Variants in LRRTM3 observed in about 807,000 individuals in gnomAD.
LRRTM3 encodes the protein leucine rich repeat transmembrane neuronal 3.
Under a neutral mutation model 44.7 loss-of-function variants are expected in LRRTM3, and 24 were observed. The observed-to-expected ratio is 0.54, with a 90% CI of 0.39 to 0.76. The LOEUF is 0.76. LRRTM3 is among the 30% of genes least tolerant of loss of function. The probability of loss-of-function intolerance (pLI) is 0.00; values close to 1 mark genes in which losing one functional copy is unlikely to be tolerated. For missense variants in LRRTM3, 587 were observed against 702.2 expected (o/e 0.84, Z 1.85); for synonymous variants, 277 against 278.7 (o/e 0.99, Z 0.06).
At chr10:67,095,564 G>GCA (rs371792538) in intron 2 of LRRTM3, among the ~76,000 whole-genome samples, 18 of 151,294 alleles carry the variant, frequency 1.2e-4, no homozygotes, top group Middle Eastern at 3.4e-3. Context: ...AATTGTGTGT[G>GCA]CACACACACA....
At chr10:67,049,029 GGTTT>G (rs1209573048) in intron 2 of LRRTM3, among the ~76,000 whole-genome samples, 1 of 11,666 alleles carries the variant, frequency 8.6e-5, no homozygotes, top group Non-Finnish European at 1.4e-4. Context: ...GATGATAACT[GGTTT>G]TTTTTTTTTT....
In LRRTM3 at chr10:66,926,548, A is replaced by G; in HGVS notation, c.-36A>G. The G allele has an allele frequency of 6.2e-7, 1 of 1,613,608 alleles. No individual in the cohort carries two copies. Among genetic ancestry groups the G allele is most frequent in the East Asian group, 2.2e-5 (1 of 44,860 alleles). ...ATGCAACTGGCCCCTAAGCCAAAGC[A>G]AAAGACCTAAGGACGACCTTTGAAC... On this transcript the variant is annotated 5_prime_UTR_variant, in exon 1 of 3. Transcript: ENST00000361320.
chr10:67,029,010 T>A (rs1213150227), intron 2 of LRRTM3, among the ~76,000 whole-genome samples: 3 of 152,186 alleles, frequency 2.0e-5, no homozygotes, highest in Admixed American at 2.0e-4. Context: ...CTAAGTGTTT[T>A]CTCTGTGCTT....
At chr10:67,037,368 TAA>T (rs1252201779) in intron 2 of LRRTM3, among the ~76,000 whole-genome samples, 1 of 107,546 alleles carries the variant, frequency 9.3e-6, no homozygotes, top group Non-Finnish European at 2.0e-5. Flanking sequence ...AATGGAAATC[TAA>T]AAAAAAAAAA....
At chr10:66,960,813 G>A (rs1164534571) in intron 2 of LRRTM3, among the ~76,000 whole-genome samples, 4 of 152,208 alleles carry the variant, frequency 2.6e-5, no homozygotes, top group African/African-American at 9.6e-5. Context: ...CCTTAGAAAA[G>A]GGGGGATGGT....
intron 2 of LRRTM3, among the ~76,000 whole-genome samples, chr10:67,074,314 G>A (rs1856624882): frequency 6.9e-6 from 1 of 144,786 alleles, no homozygotes; most frequent in African/African-American, 2.6e-5. Flanking sequence ...ACAGGCATGA[G>A]CCACCGTGCC....
rs145710263 is a variant in LRRTM3, at chr10:67,027,841, A to C, written c.1537-69746A>C. Among the ~76,000 whole-genome samples the C allele has an allele frequency of 5.7e-3, 871 of 152,278 alleles. 3 individuals are homozygous for C. The highest frequency in any genetic ancestry group is 0.02 in the African/African-American group (832 of 41,546). Reference sequence around the variant, plus strand: ...CGTTTTTTCCTTTTAAAACTTTAAAATTTACACTGATAGATATTTGCTGTT... The same window carrying C: ...CGTTTTTTCCTTTTAAAACTTTAAACTTTACACTGATAGATATTTGCTGTT... On this transcript the variant is annotated intron_variant, in intron 2 of 2. Transcript: ENST00000361320.
intron 2 of LRRTM3, among the ~76,000 whole-genome samples, chr10:67,002,662 G>A (rs1851754255): frequency 6.6e-6 from 1 of 151,970 alleles, no homozygotes; most frequent in Admixed American, 6.6e-5. Flanking sequence ...ATGTATTTCA[G>A]GATGCCTACT....
At chr10:66,999,431 T>A (rs1851554133) in intron 2 of LRRTM3, among the ~76,000 whole-genome samples, 1 of 152,104 alleles carries the variant, frequency 6.6e-6, no homozygotes, top group African/African-American at 2.4e-5. Context: ...ATTAAGATCA[T>A]CAATTTGTAT....
At chr10:67,022,548 C>T (rs921259554) in intron 2 of LRRTM3, among the ~76,000 whole-genome samples, 3 of 151,948 alleles carry the variant, frequency 2.0e-5, no homozygotes, top group Non-Finnish European at 4.4e-5. Flanking sequence ...ACTATGCCTT[C>T]AAAAAAGTGA....
In LRRTM3 at chr10:67,090,510, C is replaced by A. The variant is rs16924013; in HGVS notation, c.1537-7077C>A. 7.9e-3 allele frequency among the ~76,000 whole-genome samples: 1,204 copies of A among 152,166 alleles called. 8 individuals carry two copies. Among genetic ancestry groups the A allele is most frequent in the African/African-American group, 0.028 (1,164 of 41,532 alleles). ...AGAATTAGATAGAGTGATAGATAAG[C>A]AACAAAATGTAGTGGTTAAGAAGGC... On this transcript the variant is annotated intron_variant, in intron 2 of 2. Transcript: ENST00000361320.
At chr10:66,967,834 G>A (rs1267817013) in intron 2 of LRRTM3, among the ~76,000 whole-genome samples, 3 of 151,936 alleles carry the variant, frequency 2.0e-5, no homozygotes, top group Non-Finnish European at 2.9e-5. Flanking sequence ...CCCCTCGAAA[G>A]GTTCAATTCT....
intron 2 of LRRTM3, among the ~76,000 whole-genome samples, chr10:67,060,835 AT>A (rs1342371060): frequency 6.7e-6 from 1 of 148,582 alleles, no homozygotes; most frequent in African/African-American, 2.6e-5. Context: ...CATATATGAC[AT>A]GAAAAAGAAA....
At chr10:66,985,488 C>T (rs1850677345) in intron 2 of LRRTM3, among the ~76,000 whole-genome samples, 1 of 152,044 alleles carries the variant, frequency 6.6e-6, no homozygotes, top group African/African-American at 2.4e-5. Context: ...GAAAGTATAC[C>T]CAGCCCTCCT....
intron 2 of LRRTM3, among the ~76,000 whole-genome samples, chr10:66,985,789 A>G (rs11597970): frequency 0.4 from 60,568 of 152,026 alleles, 12,814 homozygotes; most frequent in South Asian, 0.6. Context: ...GTGCAGTACC[A>G]TGATCTCAGG....
chr10:67,093,641 G>T (rs1046417917), intron 2 of LRRTM3, among the ~76,000 whole-genome samples: 5 of 151,542 alleles, frequency 3.3e-5, no homozygotes, highest in Non-Finnish European at 7.4e-5. Flanking sequence ...TTTGGTGCAA[G>T]GACATACCCT....
chr10:66,963,522 T>C (rs1367269037), intron 2 of LRRTM3, among the ~76,000 whole-genome samples: 1 of 152,100 alleles, frequency 6.6e-6, no homozygotes, highest in Non-Finnish European at 1.5e-5. Context: ...AATGGTCAAA[T>C]ATAAGAACAG....
intron 2 of LRRTM3, among the ~76,000 whole-genome samples, chr10:66,993,266 T>A (rs1778781992): frequency 6.6e-6 from 1 of 152,108 alleles, no homozygotes; most frequent in African/African-American, 2.4e-5. Context: ...AGAAGAAATA[T>A]TACAAAAAGC....
chr10:66,964,110 A>G lies in LRRTM3; in HGVS notation c.1536+35658A>G, dbSNP rs1373544770. 2.0e-5 allele frequency among the ~76,000 whole-genome samples: 3 copies of G among 151,968 alleles called. No individual in the cohort carries two copies. In the East Asian group the frequency reaches 5.8e-4, roughly 29 times the overall value. On this transcript the variant is annotated intron_variant, in intron 2 of 2. Coordinates refer to ENST00000361320, the MANE Select transcript of LRRTM3 (RefSeq NM_178011.5). ...CGTGATCTGCCTGCCTCAGCCTCCC[A>G]AAGTGCTGGGATTACAGGTGTGAGC...
Sources: allele counts gnomAD v4.1 joint callset (sites outside exome capture counted in the v4.1 genomes callset), GRCh38; gene constraint gnomAD v4.1.1; transcripts MANE v1.5; gene names NCBI Gene and HGNC (gene_info 2026-07-23, HGNC 2026-07-21).